Variants in KALRN observed in about 807,000 individuals in gnomAD.
KALRN encodes the protein kalirin RhoGEF kinase.
A neutral mutation model predicts 353.7 loss-of-function variants in KALRN; 70 were observed. That is an observed-to-expected ratio of 0.20 (90% CI 0.16 to 0.24). The LOEUF (loss-of-function observed/expected upper bound fraction) is 0.24, where lower values mean the gene tolerates loss of function less well. Ranked by LOEUF, KALRN falls within the 10% of genes least tolerant of loss-of-function variation. The probability of loss-of-function intolerance (pLI) is 1.00; values close to 1 mark genes in which losing one functional copy is unlikely to be tolerated. For missense variants in KALRN, 2,791 were observed against 3,756.7 expected, an observed-to-expected ratio of 0.74 and a Z score of 6.72; for synonymous variants, 1,391 against 1,434.8, an observed-to-expected ratio of 0.97 and a Z score of 0.69.
intron 33 of KALRN, among the ~76,000 whole-genome samples, chr3:124,558,085 T>G (rs1365282443): frequency 6.6e-6 from 1 of 152,034 alleles, no homozygotes; most frequent in Non-Finnish European, 1.5e-5. Context: ...AGCCTCAGGG[T>G]CAGTTCTTCT....
At chr3:124,705,308 G>C (rs2062549469) in intron 57 of KALRN, among the ~76,000 whole-genome samples, 1 of 151,940 alleles carries the variant, frequency 6.6e-6, no homozygotes, top group East Asian at 1.9e-4. Context: ...TTTTAAGTAG[G>C]CATATAAGAA....
intron 10 of KALRN, among the ~76,000 whole-genome samples, chr3:124,370,689 G>A (rs2085715560): frequency 6.6e-6 from 1 of 152,188 alleles, no homozygotes; most frequent in Non-Finnish European, 1.5e-5. Flanking sequence ...TCAGGATCTT[G>A]ATCACACTTG....
At chr3:124,535,605 C>A (rs2068440245) in intron 33 of KALRN, among the ~76,000 whole-genome samples, 1 of 152,130 alleles carries the variant, frequency 6.6e-6, no homozygotes, top group African/African-American at 2.4e-5. Context: ...TTGATCCAAG[C>A]TGCTTTTGAA....
chr3:124,288,199 C>T (rs1190946832), intron 5 of KALRN, among the ~76,000 whole-genome samples: 3 of 152,098 alleles, frequency 2.0e-5, no homozygotes, highest in Non-Finnish European at 1.5e-5. Flanking sequence ...TTTAAGAAAA[C>T]ATTTCAGATA....
intron 1 of KALRN, among the ~76,000 whole-genome samples, chr3:124,153,997 C>A (rs2068593053): frequency 6.6e-6 from 1 of 152,086 alleles, no homozygotes; most frequent in Non-Finnish European, 1.5e-5. Context: ...TGTTTGAGTT[C>A]ATTGTAGATT....
chr3:124,414,074 C>A (rs1353766192), intron 14 of KALRN, among the ~76,000 whole-genome samples: 1 of 151,892 alleles, frequency 6.6e-6, no homozygotes, highest in Non-Finnish European at 1.5e-5. Context: ...CGACTGCACT[C>A]CAGCCTGGGC....
At chr3:124,197,950 T>A (rs2150366033) in intron 1 of KALRN, among the ~76,000 whole-genome samples, 1 of 152,310 alleles carries the variant, frequency 6.6e-6, no homozygotes, top group Admixed American at 6.5e-5. Flanking sequence ...GCACACTTAG[T>A]GATTCAAATG....
intron 25 of KALRN, among the ~76,000 whole-genome samples, chr3:124,469,160 T>A (rs2060638286): frequency 6.6e-6 from 1 of 152,210 alleles, no homozygotes; most frequent in South Asian, 2.1e-4. Flanking sequence ...ATCACACAAA[T>A]TAGACAAAGT....
chr3:124,416,975 A>G (rs922775844), intron 14 of KALRN, among the ~76,000 whole-genome samples: 1 of 152,236 alleles, frequency 6.6e-6, no homozygotes, highest in South Asian at 2.1e-4. Context: ...TCAAGTGTGA[A>G]GTTTATAATA....
At chr3:124,637,903 C>T (rs752494979) in intron 37 of KALRN, among the ~76,000 whole-genome samples, 2 of 152,140 alleles carry the variant, frequency 1.3e-5, no homozygotes, top group Non-Finnish European at 2.9e-5. Flanking sequence ...CCCATCAGCC[C>T]GTTGGAGGGA....
At chr3:124,534,179 A>G (rs1215978120) in intron 33 of KALRN, among the ~76,000 whole-genome samples, 1 of 152,258 alleles carries the variant, frequency 6.6e-6, no homozygotes, top group Admixed American at 6.5e-5. Flanking sequence ...TGTAATGTGG[A>G]ATCCTGAATG....
intron 6 of KALRN, among the ~76,000 whole-genome samples, chr3:124,317,494 A>G (rs2078917261): frequency 6.6e-6 from 1 of 152,180 alleles, no homozygotes; most frequent in Non-Finnish European, 1.5e-5. Flanking sequence ...TATTGTTAAG[A>G]TCAGGCGTGC....
chr3:124,678,080 GGGCTTGATGGAGC>G, intron 49 of KALRN, 97 bp from the exon 50 acceptor site: 1 of 1,215,664 alleles, frequency 8.2e-7, no homozygotes, highest in Non-Finnish European at 1.2e-6. Flanking sequence ...TCTGAAGCCC[GGGCTTGATGGAGC>G]ACCTCACCTG....
chr3:124,720,711 T>C lies in KALRN; in HGVS notation c.*1241T>C, dbSNP rs2063338695. ...CTGAACTAAAAGGACTAATTGTACT[T>C]TGAGGCCAATGCTGCTTTCTGGTGT... On this transcript the variant is annotated 3_prime_UTR_variant, in exon 60 of 60. Transcript: ENST00000682506. The C allele has an allele frequency of 6.6e-6, 1 of 152,362 alleles. No homozygotes were observed. Among genetic ancestry groups the C allele is most frequent in the African/African-American group, 2.4e-5 (1 of 41,460 alleles). The allele number at this position is 152,362 out of a possible 1,614,324, so 9.4% of individuals were successfully genotyped here. A position where few individuals can be genotyped will look rare whatever the true frequency, so the allele number is the denominator to read the frequency against.
At chr3:124,204,642 T>C (rs2076251004) in intron 1 of KALRN, among the ~76,000 whole-genome samples, 1 of 149,602 alleles carries the variant, frequency 6.7e-6, no homozygotes, top group African/African-American at 2.5e-5. Flanking sequence ...GAATTCATCA[T>C]GTGATTTTAT....
At chr3:124,461,816 G>A in intron 23 of KALRN, 74 bp from the exon 24 acceptor site, 1 of 1,024,710 alleles carries the variant, frequency 9.8e-7, no homozygotes, top group Non-Finnish European at 1.5e-6. Flanking sequence ...ACATGCTGGG[G>A]TGGGGAAGTG....
chr3:124,347,048 T>C, intron 9 of KALRN, 95 bp from the exon 10 acceptor site: 1 of 1,564,906 alleles, frequency 6.4e-7, no homozygotes, highest in Non-Finnish European at 8.7e-7. Context: ...TGGGATGGGA[T>C]ATAGGGGTGG....
intron 1 of KALRN, among the ~76,000 whole-genome samples, chr3:124,150,363 T>A (rs1051156760): frequency 6.6e-6 from 1 of 152,188 alleles, no homozygotes; most frequent in African/African-American, 2.4e-5. Context: ...ATTTTCTTTT[T>A]TTTTCTTAAG....
At chr3:124,642,815 T>TTTTTTTTTTTTG in intron 37 of KALRN, among the ~76,000 whole-genome samples, 1 of 140,364 alleles carries the variant, frequency 7.1e-6, no homozygotes, top group Non-Finnish European at 1.5e-5. Context: ...CGTTTTTTTT[T>TTTTTTTTTTTTG]TTTTTTTTTT....
Sources: gnomAD v4.1 joint callset for allele counts (sites outside exome capture counted in the v4.1 genomes callset) on GRCh38, gnomAD v4.1.1 for gene constraint, MANE v1.5 for transcripts, NCBI Gene and HGNC (gene_info 2026-07-23, HGNC 2026-07-21) for gene names.